Variants in RYR1 observed in about 807,000 individuals in gnomAD.
RYR1 encodes the protein central core disease of muscle.
Under a neutral mutation model 583.5 loss-of-function variants are expected in RYR1, and 342 were observed. The observed-to-expected ratio is 0.59, with a 90% CI of 0.54 to 0.64. RYR1 has a LOEUF of 0.64. RYR1 is among the 30% of genes least tolerant of loss of function. The probability of loss-of-function intolerance (pLI) is 0.00; values close to 1 mark genes in which losing one functional copy is unlikely to be tolerated. For synonymous variants in RYR1, 2,791 were observed against 2,822.5 expected, an observed-to-expected ratio of 0.99 and a Z score of 0.35; for missense variants, 6,032 against 6,917.2, an observed-to-expected ratio of 0.87 and a Z score of 4.54.
At chr19:38,501,257 T>C (rs1600827109) in intron 47 of RYR1, among the ~76,000 whole-genome samples, 1 of 152,136 alleles carries the variant, frequency 6.6e-6, no homozygotes, top group Non-Finnish European at 1.5e-5. Context: ...CCCAGCACTT[T>C]GGGGAGCCGA....
chr19:38,586,142 C>T lies in RYR1; in HGVS notation c.14920C>T (p.His4974Tyr). The T allele has an allele frequency of 3.1e-6, 5 of 1,614,100 alleles. No individual in the cohort carries two copies. The highest frequency in any genetic ancestry group is 4.2e-6 in the Non-Finnish European group (5 of 1,180,022). Residue 4974 changes from histidine to tyrosine, a missense_variant, in exon 104 of 106, where the codon CAT becomes TAT. His to Tyr is a moderately conservative substitution (Grantham distance 83). This residue lies in a region of RYR1 where 189 missense variants were observed against 350.3 expected (regional missense o/e 0.54). Transcript: ENST00000359596. ...CAGTGACTACTTTGATACGACACCG[C>T]ATGGCTTCGAGACTCACACGCTGGA... ...IGSDYFDTTP[H>Y]GFETHTLEEH...
intron 34 of RYR1, among the ~76,000 whole-genome samples, chr19:38,486,830 A>G (rs186960979): frequency 2.1e-4 from 32 of 152,052 alleles, no homozygotes; most frequent in African/African-American, 7.0e-4. Flanking sequence ...CCACCCATTC[A>G]TCCTATCCAT....
At chr19:38,461,598 C>T (rs546706554) in intron 20 of RYR1, among the ~76,000 whole-genome samples, 5 of 151,720 alleles carry the variant, frequency 3.3e-5, no homozygotes, top group Non-Finnish European at 5.9e-5. Context: ...TGATGGTCCA[C>T]GACTGTAGTC....
At position 38,535,695 on chromosome 19, in the gene RYR1, G is replaced by C. The variant is rs145676852; in HGVS notation, c.11517-302G>C. 2.9e-4 allele frequency: 169 copies of C among 590,760 alleles called. 1 individual carries two copies. The African/African-American group carries it at 3.0e-3, about 11-fold the overall frequency. 36.6% of individuals were successfully genotyped at this position (590,760 alleles called of 1,614,324 possible). On this transcript the variant is annotated intron_variant, in intron 81 of 105. Coordinates refer to ENST00000359596, the MANE Select transcript of RYR1 (RefSeq NM_000540.3). ...GCTCTCTGATGATCCCAATTAATCT[G>C]CCTCTACTGTTGTCTGCCTTTATTC...
intron 89 of RYR1, among the ~76,000 whole-genome samples, chr19:38,558,341 A>G (rs1972969349): frequency 6.6e-6 from 1 of 152,152 alleles, no homozygotes; most frequent in South Asian, 2.1e-4. Flanking sequence ...AAACAACTAA[A>G]AGACTATAAG....
At chr19:38,580,534 C>T in intron 101 of RYR1, 30 bp downstream of exon 101, 1 of 1,613,590 alleles carries the variant, frequency 6.2e-7, no homozygotes, top group Non-Finnish European at 8.5e-7. Flanking sequence ...CTCTGGGACC[C>T]TTCCTTCTCG....
chr19:38,576,892 G>GC (rs1478219199), intron 97 of RYR1, among the ~76,000 whole-genome samples: 1 of 151,784 alleles, frequency 6.6e-6, no homozygotes, highest in Non-Finnish European at 1.5e-5. Flanking sequence ...CTTTTCTTTT[G>GC]TTTTTTTCTT....
At chr19:38,502,793 A>G (rs1420678142) in intron 48 of RYR1, 66 bp downstream of exon 48, 1 of 391,484 alleles carries the variant, frequency 2.6e-6, no homozygotes, top group Non-Finnish European at 4.0e-6. Flanking sequence ...GGGCAGGGGC[A>G]GGGGCAGGGG....
chr19:38,580,318 G>A (rs200838738), intron 100 of RYR1, 52 bp from the exon 101 acceptor site: 376 of 1,605,166 alleles, frequency 2.3e-4, no homozygotes, highest in Middle Eastern at 3.3e-4. Flanking sequence ...TGGGCAGGGT[G>A]GGGGGAGGGC....
chr19:38,520,091 A>G (rs77742569), intron 67 of RYR1, among the ~76,000 whole-genome samples: 8 of 49,674 alleles, frequency 1.6e-4, no homozygotes, highest in Non-Finnish European at 3.2e-4. Context: ...TTTTTTTTTT[A>G]TTGAGACAGG....
intron 88 of RYR1, among the ~76,000 whole-genome samples, chr19:38,546,912 A>C (rs1972455498): frequency 6.7e-6 from 1 of 149,710 alleles, no homozygotes; most frequent in South Asian, 2.1e-4. Flanking sequence ...TGATCACACC[A>C]CTGCACTCCA....
rs34934920 is a variant in RYR1 at position 38,486,015 on chromosome 19, C to T, written c.5360C>T (p.Pro1787Leu). 0.023 allele frequency: 36,880 copies of T among 1,613,524 alleles called. 550 individuals are homozygous for T. Among genetic ancestry groups the T allele is most frequent in the South Asian group, 0.042 (3,865 of 91,078 alleles). Residue 1787 changes from proline (P) to leucine (L), a missense_variant, in exon 34 of 106, where the codon CCA becomes CTA. Transcript: ENST00000359596. ...FSPPCFVAAL[P>L]AAGAAEAPAR... is the part of the protein sequence containing the mutation. ...CCCCCCTGTTTCGTGGCCGCTCTGCCAGCTGCTGGGGCAGCAGAGGCCCCG... is the reference window on the plus strand; with the variant it reads ...CCCCCCTGTTTCGTGGCCGCTCTGCTAGCTGCTGGGGCAGCAGAGGCCCCG...
At position 38,473,435 on chromosome 19, in the gene RYR1, C is replaced by T; in HGVS notation, c.3824C>T (p.Thr1275Ile). ...TPPCLRLTHRTWGSQNSLVEM... is the reference protein window; with the variant it reads ...TPPCLRLTHRIWGSQNSLVEM... ...CCCTGCCTGCGCCTGACCCACCGCA[C>T]CTGGGGCTCCCAGAACAGCCTGGTG... The change falls in exon 28 of 106, where the codon ACC becomes ATC. Residue 1275 changes from threonine to isoleucine, a missense_variant. Around this residue, in one of 11 missense-constraint regions of RYR1, gnomAD observed 2,627 missense variants for 2,961.3 expected, o/e 0.89. Transcript: ENST00000359596. 3 of 1,613,980 alleles carry T rather than the reference C, an allele frequency of 1.9e-6. No individual in the cohort carries two copies. Among genetic ancestry groups the T allele is most frequent in the Non-Finnish European group, 1.7e-6 (2 of 1,179,970 alleles).
At chr19:38,523,497 C>T (rs570619938) in intron 69 of RYR1, 188 bp downstream of exon 69, 2 of 656,306 alleles carry the variant, frequency 3.0e-6, no homozygotes, top group South Asian at 1.8e-5. Context: ...TGTATCTTCT[C>T]CCTCCTCCCA....
intron 66 of RYR1, among the ~76,000 whole-genome samples, chr19:38,518,606 G>T (rs1008151890): frequency 2.6e-5 from 4 of 151,724 alleles, no homozygotes; most frequent in Non-Finnish European, 4.4e-5. Flanking sequence ...AGAGGTTAAA[G>T]ATTGGGGTCA....
In RYR1 at chr19:38,456,274, A is replaced by ATTTT. The variant is rs769713059; in HGVS notation, c.1791+539_1791+542dup. ...CAGGCGTGAACCACCAGCGCCTGGC[A>ATTTT]TTTTTTTTTTTTTTTTTTTGATACA... is the stretch of plus-strand genomic sequence containing the variant. On this transcript the variant is annotated intron_variant, in intron 16 of 105. Transcript: ENST00000359596. Among the ~76,000 whole-genome samples the ATTTT allele has an allele frequency of 9.2e-3, 980 of 106,656 alleles. 42 individuals carry two copies. The highest frequency in any genetic ancestry group is 0.016 in the Admixed American group (134 of 8,410). The allele number at this position is 106,656 out of a possible 152,430, so 70.0% of individuals were successfully genotyped here.
intron 11 of RYR1, 60 bp downstream of exon 11, chr19:38,448,873 G>A: frequency 6.6e-7 from 1 of 1,509,656 alleles, no homozygotes; most frequent in Non-Finnish European, 9.1e-7. Flanking sequence ...AGTCCAGGAG[G>A]TCAAGGCTGC....
In RYR1 at chr19:38,443,723, G is replaced by C; in HGVS notation, c.351G>C (p.Leu117=). 1.2e-6 allele frequency: 2 copies of C among 1,614,116 alleles called. No individual in the cohort carries two copies. The highest frequency in any genetic ancestry group is 1.7e-6 in the Non-Finnish European group (2 of 1,180,006). Reference sequence around the variant, plus strand: ...ACCTCCCTCTACAACCCTAGTATCTGAGCTGCCTCACCACCTCCCGCTCCA... The same window carrying C: ...ACCTCCCTCTACAACCCTAGTATCTCAGCTGCCTCACCACCTCCCGCTCCA... ...LLRHAHSRMY[L]SCLTTSRSMT... The change falls in exon 5 of 106, where the codon CTG becomes CTC. Residue 117 remains leucine, a synonymous_variant. Transcript: ENST00000359596.
At chr19:38,449,820 G>T (rs1600659939) in intron 11 of RYR1, among the ~76,000 whole-genome samples, 1 of 152,074 alleles carries the variant, frequency 6.6e-6, no homozygotes, top group Non-Finnish European at 1.5e-5. Context: ...AGTAGTGGTT[G>T]GTGAGGAAAG....
Sources: gnomAD v4.1 joint callset for allele counts (sites outside exome capture counted in the v4.1 genomes callset) on GRCh38, gnomAD v4.1.1 for gene constraint, gnomAD v4.1.1 regional missense constraint, MANE v1.5 for transcripts, NCBI Gene and HGNC (gene_info 2026-07-23, HGNC 2026-07-21) for gene names.